Variants in ADARB2 observed in about 807,000 individuals in gnomAD.
The protein encoded by ADARB2 is inactive double-stranded RNA-specific editase B2.
ADARB2 carries 25 observed loss-of-function variants against 62.2 expected under a neutral mutation model. The ratio of observed to expected loss-of-function variants is 0.40; its 90% CI spans 0.29 to 0.56. The LOEUF (loss-of-function observed/expected upper bound fraction) is 0.56. ADARB2 is among the 20% of genes least tolerant of loss of function. The pLI, the probability that ADARB2 is intolerant of heterozygous loss-of-function variation, is 0.43. For missense variants in ADARB2, 1,071 were observed against 1,077.4 expected, an observed-to-expected ratio of 0.99 and a Z score of 0.08; for synonymous variants, 572 against 500.8, an observed-to-expected ratio of 1.14 and a Z score of -1.90.
At position 1,276,822 on chromosome 10, in the gene ADARB2, C is replaced by T. The variant is rs888604761; in HGVS notation, c.1078-5753G>A. ...ATATACATTCTTCTCAGCACCACAC[C>T]GCACTTATTCCAAAATTGACCACTT... On this transcript the variant is annotated intron_variant, in intron 3 of 9. Transcript: ENST00000381312. Among the ~76,000 whole-genome samples, 9 of 152,286 alleles carry T rather than the reference C, an allele frequency of 5.9e-5. No homozygotes were observed. The East Asian group carries it at 9.6e-4, about 16-fold the overall frequency.
chr10:1,332,609 G>T (rs139869259), intron 3 of ADARB2, among the ~76,000 whole-genome samples: 1 of 151,586 alleles, frequency 6.6e-6, no homozygotes, highest in Admixed American at 6.6e-5. Context: ...AGCACAAGAC[G>T]TTGGCCCCCT....
intron 1 of ADARB2, among the ~76,000 whole-genome samples, chr10:1,676,676 G>A (rs1458401729): frequency 1.3e-5 from 2 of 152,118 alleles, no homozygotes; most frequent in African/African-American, 4.8e-5. Context: ...TATCTCAATT[G>A]TTTAGAAGTT....
chr10:1,277,795 C>T (rs1017661259), intron 3 of ADARB2, among the ~76,000 whole-genome samples: 1 of 152,058 alleles, frequency 6.6e-6, no homozygotes, highest in Non-Finnish European at 1.5e-5. Context: ...GGCAGAGACA[C>T]AACAAAAAAA....
rs1011905273 is a variant in ADARB2, at chr10:1,445,453, C to T, written c.101-66293G>A. On this transcript the variant is annotated intron_variant, in intron 1 of 9. Coordinates refer to ENST00000381312, the MANE Select transcript of ADARB2 (RefSeq NM_018702.4). ...TCCACGCATCTATCCATCCATCCAC[C>T]CACCCATCCACCCACCCATCCATTC... Among the ~76,000 whole-genome samples the T allele has an allele frequency of 3.3e-5, 5 of 151,330 alleles. No homozygotes were observed. In the South Asian group the frequency reaches 8.4e-4, roughly 25 times the overall value.
chr10:1,526,772 C>T (rs774508025), intron 1 of ADARB2: 1 of 491,306 alleles, frequency 2.0e-6, no homozygotes, highest in Non-Finnish European at 4.3e-6. Flanking sequence ...AGCCGGATGA[C>T]ATGAAGCAGC....
At chr10:1,635,528 T>C (rs750119591) in intron 1 of ADARB2, among the ~76,000 whole-genome samples, 43 of 152,282 alleles carry the variant, frequency 2.8e-4, no homozygotes, top group African/African-American at 9.1e-4. Flanking sequence ...TAGTGTTGCG[T>C]TGAAATCTCC....
In ADARB2 at chr10:1,426,427, A is replaced by G. The variant is rs1449984420; in HGVS notation, c.101-47267T>C. Among the ~76,000 whole-genome samples the G allele has an allele frequency of 6.6e-6, 1 of 152,058 alleles. No homozygotes were observed. Among genetic ancestry groups the G allele is most frequent in the Middle Eastern group, 3.2e-3 (1 of 316 alleles). ...CCTTGTCATTGTTGCTGTAAAACCGAAGCCCTCTTCTGCGTGGCGATTTGG... is the reference window on the plus strand; with the variant it reads ...CCTTGTCATTGTTGCTGTAAAACCGGAGCCCTCTTCTGCGTGGCGATTTGG... On this transcript the variant is annotated intron_variant, in intron 1 of 9. Transcript: ENST00000381312. This position sits in a 1 kb window ranked among gnomAD's most constrained non-coding sequence, Gnocchi z 4.1.
intron 1 of ADARB2, among the ~76,000 whole-genome samples, chr10:1,653,976 C>T (rs1054208664): frequency 2.0e-5 from 3 of 152,090 alleles, no homozygotes; most frequent in Admixed American, 6.5e-5. Context: ...AGCATAAAAT[C>T]GCAGGGAGAT....
intron 1 of ADARB2, among the ~76,000 whole-genome samples, chr10:1,628,942 T>G (rs1018284539): frequency 6.6e-6 from 1 of 152,232 alleles, no homozygotes; most frequent in African/African-American, 2.4e-5. Context: ...CGGTCTGTGC[T>G]TCTTCCCTGT....
chr10:1,302,332 A>G (rs1831581165), intron 3 of ADARB2, among the ~76,000 whole-genome samples: 1 of 152,080 alleles, frequency 6.6e-6, no homozygotes, highest in South Asian at 2.1e-4. Context: ...GGCTTAAAAA[A>G]CGGCGCACCA....
At chr10:1,676,477 C>G (rs1011199084) in intron 1 of ADARB2, among the ~76,000 whole-genome samples, 1 of 152,170 alleles carries the variant, frequency 6.6e-6, no homozygotes, top group Non-Finnish European at 1.5e-5. Context: ...TAATGGTGCA[C>G]CTGAGAGTGA....
chr10:1,602,128 G>A (rs1410270929), intron 1 of ADARB2, among the ~76,000 whole-genome samples: 1 of 152,186 alleles, frequency 6.6e-6, no homozygotes. Context: ...ACCACCCAGC[G>A]ATGGCTGGCT....
chr10:1,728,295 C>T (rs1835191621), intron 1 of ADARB2, among the ~76,000 whole-genome samples: 1 of 152,208 alleles, frequency 6.6e-6, no homozygotes, highest in East Asian at 1.9e-4. Flanking sequence ...TCTCTCCATA[C>T]TCTAAAACAC....
intron 6 of ADARB2, among the ~76,000 whole-genome samples, chr10:1,220,109 T>TG: frequency 1.4e-5 from 2 of 147,410 alleles, no homozygotes; most frequent in East Asian, 2.0e-4. Context: ...GTGGTGGTGG[T>TG]GATGATGGTG....
rs1255120194 is a variant in ADARB2 at position 1,231,824 on chromosome 10, C to CA, written c.1513+1869dup. ...AGCAGTGGGGCTGGAGGGAAGTCCG[C>CA]AAAAAGGAGGAGGAATGTTTCTGGG... On this transcript the variant is annotated intron_variant, in intron 6 of 9. Transcript: ENST00000381312. 7.2e-5 allele frequency among the ~76,000 whole-genome samples: 11 copies of CA among 152,056 alleles called. 1 individual carries two copies. The highest frequency in any genetic ancestry group is 7.4e-5 in the Non-Finnish European group (5 of 68,000).
chr10:1,592,241 T>C (rs555559377), intron 1 of ADARB2, among the ~76,000 whole-genome samples: 5 of 152,266 alleles, frequency 3.3e-5, no homozygotes, highest in East Asian at 1.9e-4. Context: ...CATGATCCCC[T>C]CTGTCACCCA....
intron 1 of ADARB2, among the ~76,000 whole-genome samples, chr10:1,511,987 G>A (rs1278086723): frequency 6.6e-6 from 1 of 151,634 alleles, no homozygotes; most frequent in African/African-American, 2.4e-5. Context: ...TGGATACTAA[G>A]ACATGGATGC....
rs527579428 is a variant in ADARB2, at chr10:1,274,997, G to A, written c.1078-3928C>T. ...AGTGGCCCTTGGAGGGGGGCCCGTGGTGGAGCCTGGCCACCCACTCTCCGC... is the reference window on the plus strand; with the variant it reads ...AGTGGCCCTTGGAGGGGGGCCCGTGATGGAGCCTGGCCACCCACTCTCCGC... On this transcript the variant is annotated intron_variant, in intron 3 of 9. Transcript: ENST00000381312. 1.3e-4 allele frequency among the ~76,000 whole-genome samples: 20 copies of A among 152,332 alleles called. No homozygotes were observed. In the East Asian group the frequency reaches 3.7e-3, roughly 28 times the overall value.
At chr10:1,422,410 G>A (rs1227814204) in intron 1 of ADARB2, among the ~76,000 whole-genome samples, 5 of 152,208 alleles carry the variant, frequency 3.3e-5, no homozygotes, top group African/African-American at 9.7e-5. Flanking sequence ...AGCGGCTCAC[G>A]CTTTGGAGAC....
Sources: gnomAD v4.1 joint callset for allele counts (sites outside exome capture counted in the v4.1 genomes callset) on GRCh38, gnomAD v4.1.1 for gene constraint, Gnocchi (gnomAD v3.1) non-coding constraint, MANE v1.5 for transcripts, NCBI Gene and HGNC (gene_info 2026-07-23, HGNC 2026-07-21) for gene names.